XIRP2: variants seen among roughly 807,000 people sequenced by gnomAD.
XIRP2 encodes xin actin-binding repeat-containing protein 2.
A neutral mutation model predicts 277.0 loss-of-function variants in XIRP2; 236 were observed. The observed-to-expected ratio is 0.85, with a 90% CI of 0.77 to 0.95. The LOEUF is 0.95. Ranked by LOEUF, XIRP2 falls within the 40% of genes least tolerant of loss-of-function variation. The probability of loss-of-function intolerance (pLI) is 0.00; values close to 1 mark genes in which losing one functional copy is unlikely to be tolerated. For missense variants in XIRP2, 4,640 were observed against 4,157.5 expected (o/e 1.12, Z -3.19); for synonymous variants, 1,490 against 1,416.5 (o/e 1.05, Z -1.17).
rs756518215 is a variant in XIRP2 at position 167,258,135 on chromosome 2, G to A, written c.*318G>A. On this transcript the variant is annotated 3_prime_UTR_variant, in exon 11 of 11. Transcript: ENST00000409195. The stretch of plus-strand genomic sequence containing the variant: ...CAAAGGAATGATTTGAGAAAATTAG[G>A]GGAAAGGGGAAAATTAAAAGTCATT... The A allele has an allele frequency of 1.9e-6, 3 of 1,612,970 alleles. No individual in the cohort carries two copies. Among genetic ancestry groups the A allele is most frequent in the Non-Finnish European group, 2.5e-6 (3 of 1,179,550 alleles).
intron 2 of XIRP2, among the ~76,000 whole-genome samples, chr2:167,036,364 TG>T (rs1688507037): frequency 6.6e-6 from 1 of 152,194 alleles, no homozygotes; most frequent in Admixed American, 6.5e-5. Context: ...CCCAAGACCA[TG>T]GGAATCCACC....
chr2:167,156,565 C>G (rs1371294508), intron 3 of XIRP2, among the ~76,000 whole-genome samples: 2 of 152,094 alleles, frequency 1.3e-5, no homozygotes, highest in Non-Finnish European at 1.5e-5. Context: ...AGATGCAAGA[C>G]AAATTGTACT....
chr2:167,009,168 T>A (rs924986039), intron 2 of XIRP2, among the ~76,000 whole-genome samples: 1 of 151,458 alleles, frequency 6.6e-6, no homozygotes, highest in East Asian at 2.0e-4. Flanking sequence ...ATCCATTAAC[T>A]CATCATTTAG....
At chr2:167,031,210 T>C (rs1364731634) in intron 2 of XIRP2, among the ~76,000 whole-genome samples, 1 of 152,156 alleles carries the variant, frequency 6.6e-6, no homozygotes, top group East Asian at 1.9e-4. Flanking sequence ...TTAACACTGT[T>C]ATGTGTGAAT....
chr2:167,240,875 G>C (rs915306488), intron 7 of XIRP2, 139 bp downstream of exon 7: 1 of 718,524 alleles, frequency 1.4e-6, no homozygotes, highest in South Asian at 1.8e-5. Flanking sequence ...GGAGAGCTGA[G>C]TAGTATTTCT....
chr2:167,123,499 C>CT (rs761118943), intron 2 of XIRP2, among the ~76,000 whole-genome samples: 130 of 141,084 alleles, frequency 9.2e-4, no homozygotes, highest in Non-Finnish European at 1.4e-3. Flanking sequence ...GAGAAAAAAA[C>CT]TTTTTTTTGT....
At chr2:166,937,420 C>T (rs1162425285) in intron 2 of XIRP2, among the ~76,000 whole-genome samples, 1 of 152,142 alleles carries the variant, frequency 6.6e-6, no homozygotes, top group Admixed American at 6.5e-5. Flanking sequence ...AACCTTGCAC[C>T]AGCCTTGCAT....
intron 3 of XIRP2, among the ~76,000 whole-genome samples, chr2:167,155,268 C>A (rs1227287593): frequency 1.3e-5 from 2 of 151,810 alleles, no homozygotes; most frequent in Non-Finnish European, 2.9e-5. Context: ...CATCCTGATA[C>A]CAAAGCTGGG....
At chr2:166,893,003 C>CACACACAT (rs1684147118) in intron 1 of XIRP2, among the ~76,000 whole-genome samples, 1 of 150,974 alleles carries the variant, frequency 6.6e-6, no homozygotes, top group Non-Finnish European at 1.5e-5. Context: ...CACACACACA[C>CACACACAT]ACACAACACC....
chr2:167,162,481 A>G (rs1248345721), intron 3 of XIRP2, among the ~76,000 whole-genome samples: 1 of 152,152 alleles, frequency 6.6e-6, no homozygotes, highest in Non-Finnish European at 1.5e-5. Flanking sequence ...GAGCTTGTGC[A>G]GGGAAACTCC....
intron 2 of XIRP2, among the ~76,000 whole-genome samples, chr2:167,041,178 G>A (rs1050162915): frequency 7.9e-5 from 12 of 152,066 alleles, no homozygotes; most frequent in Middle Eastern, 3.2e-3. Context: ...GAAATCATCC[G>A]GACAGTAACT....
intron 2 of XIRP2, among the ~76,000 whole-genome samples, chr2:166,932,281 A>G (rs1406256606): frequency 2.0e-5 from 3 of 151,588 alleles, no homozygotes; most frequent in African/African-American, 4.8e-5. Context: ...CAGTGACTCA[A>G]TCACAGCTCA....
At chr2:167,111,601 A>G (rs1690756549) in intron 2 of XIRP2, among the ~76,000 whole-genome samples, 3 of 151,970 alleles carry the variant, frequency 2.0e-5, no homozygotes, top group East Asian at 1.9e-4. Context: ...TTTTACATCT[A>G]TGTTCATCAA....
chr2:167,240,687 C>T lies in XIRP2; in HGVS notation c.993C>T (p.Thr331=), dbSNP rs376255866. The T allele has an allele frequency of 1.1e-5, 17 of 1,613,516 alleles. No individual in the cohort carries two copies. The highest frequency in any genetic ancestry group is 1.6e-4 in the Middle Eastern group (1 of 6,080). Reference sequence around the variant, plus strand: ...AGGTCTCTCATCTTGAAAAGCACACCGAGGAAGTAAACCAAGCATCTCAGT... The same window carrying T: ...AGGTCTCTCATCTTGAAAAGCACACTGAGGAAGTAAACCAAGCATCTCAGT... The part of the protein sequence containing the change: ...TEMVSHLEKH[T]EEVNQASQFH... Residue 331 remains threonine, a synonymous_variant, in exon 7 of 11, where the codon ACC becomes ACT. Transcript: ENST00000409195.
At chr2:167,111,013 G>A (rs777611172) in intron 2 of XIRP2, among the ~76,000 whole-genome samples, 18 of 151,994 alleles carry the variant, frequency 1.2e-4, no homozygotes, top group Admixed American at 2.6e-4. Flanking sequence ...ATTTTTGCGC[G>A]TTGATTTTGT....
rs1695405900 is a variant in XIRP2 at position 167,249,645 on chromosome 2, CA to C, written c.8255del (p.Lys2752ArgfsTer29). The stretch of plus-strand genomic sequence containing the variant: ...TTACCAAAAAACAATATCTGAAAAC[CA>C]AGAAAACTGAAGCAAGCACTGAATG... ...TFTKKQYLKT[K>X]KTEASTECSH... On this transcript the variant is annotated frameshift_variant, in exon 9 of 11. Transcript: ENST00000409195. LOFTEE classifies it high-confidence loss of function. 1.9e-6 allele frequency: 3 copies of C among 1,613,334 alleles called. No individual in the cohort carries two copies. The East Asian group carries it at 6.7e-5, about 36-fold the overall frequency.
chr2:167,248,194 G>T lies in XIRP2; in HGVS notation c.6802G>T (p.Glu2268Ter). 2 of 1,613,706 alleles carry T rather than the reference G, an allele frequency of 1.2e-6. No homozygotes were observed. Among genetic ancestry groups the T allele is most frequent in the Non-Finnish European group, 1.7e-6 (2 of 1,179,782 alleles). The change falls in exon 9 of 11, where the codon GAA (glutamate) becomes TAA (stop). Residue 2268 changes from glutamate (E) to a stop codon, truncating the protein, a stop_gained. Coordinates refer to ENST00000409195, the MANE Select transcript of XIRP2 (RefSeq NM_152381.6). LOFTEE classifies it high-confidence loss of function. ...NTSTGLKMAM[E>*]RSLNPINFNP... The stretch of plus-strand genomic sequence containing the variant: ...TTCCACAGGCTTAAAAATGGCAATG[G>T]AAAGGTCCTTGAATCCAATCAACTT...
At chr2:166,892,808 G>GATATATATAT (rs113558500) in intron 1 of XIRP2, among the ~76,000 whole-genome samples, 20 of 143,236 alleles carry the variant, frequency 1.4e-4, no homozygotes, top group African/African-American at 3.8e-4. Flanking sequence ...TTTCATAGAA[G>GATATATATAT]ATATATATAT....
chr2:167,059,101 CTTTTTTTTTTT>C (rs572437575), intron 2 of XIRP2, among the ~76,000 whole-genome samples: 3 of 95,974 alleles, frequency 3.1e-5, no homozygotes, highest in African/African-American at 1.4e-4. Flanking sequence ...TTTTTTTTCT[CTTTTTTTTTTT>C]TTTTTTTTTT....
Sources: allele counts gnomAD v4.1 joint callset (sites outside exome capture counted in the v4.1 genomes callset), GRCh38; gene constraint gnomAD v4.1.1; transcripts MANE v1.5; gene names NCBI Gene and HGNC (gene_info 2026-07-23, HGNC 2026-07-21).